AP3D1: variants seen among roughly 807,000 people sequenced by gnomAD.
AP3D1 encodes the protein adaptor related protein complex 3 subunit delta 1.
A neutral mutation model predicts 147.6 loss-of-function variants in AP3D1; 51 were observed. That is an observed-to-expected ratio of 0.35 (90% CI 0.28 to 0.44). AP3D1 has a LOEUF of 0.44. Among genes scored for constraint, AP3D1 ranks in the 20% least tolerant of loss-of-function variants. AP3D1 has a pLI of 1.00. For synonymous variants in AP3D1, 760 were observed against 663.0 expected, an observed-to-expected ratio of 1.15 and a Z score of -2.25; for missense variants, 1,421 against 1,624.2, an observed-to-expected ratio of 0.87 and a Z score of 2.15.
chr19:2,161,349 A>G (rs2019696848), intron 1 of AP3D1, among the ~76,000 whole-genome samples: 1 of 151,534 alleles, frequency 6.6e-6, no homozygotes, highest in South Asian at 2.1e-4. Flanking sequence ...TTTAGTAGAG[A>G]CGGGGTTTCA....
In AP3D1 at chr19:2,109,561, G is replaced by A. The variant is rs568944736; in HGVS notation, c.3350+312C>T. ...ACTCAGGGGGGAGGGGGTGCCGCAC[G>A]CCAAGCCGTGCCGAGGAGAGGCTTC... On this transcript the variant is annotated intron_variant, in intron 29 of 31. Transcript: ENST00000643116. 8.2e-5 allele frequency: 40 copies of A among 485,932 alleles called. No homozygotes were observed. The South Asian group carries it at 8.7e-4, about 11-fold the overall frequency. 30.1% of individuals were successfully genotyped at this position (485,932 alleles called of 1,614,324 possible).
intron 1 of AP3D1, among the ~76,000 whole-genome samples, chr19:2,145,620 C>T (rs567372099): frequency 2.0e-5 from 3 of 152,170 alleles, no homozygotes; most frequent in Non-Finnish European, 2.9e-5. Context: ...GCTGGCGTCG[C>T]CGCTCCTGCC....
Position 2,115,297 on chromosome 19 carries a change from G to A in AP3D1, c.2271C>T (p.His757=), listed in dbSNP as rs2018411860. ...CGTCGCTCTCCGTGGGCAGCGAGCT[G>A]TGGCGGCGCTTGCCCTTCTTCTCCT... ...KEKEKKGKRR[H]SSLPTESDED... Residue 757 remains histidine, a synonymous_variant, in exon 20 of 32, where the codon CAC becomes CAT. Transcript: ENST00000643116. 1 of 1,613,086 alleles carries A rather than the reference G, an allele frequency of 6.2e-7. No individual in the cohort carries two copies. The highest frequency in any genetic ancestry group is 1.7e-5 in the Admixed American group (1 of 60,028).
rs990158736 is a variant in AP3D1 at position 2,121,208 on chromosome 19, T to C, written c.1205A>G (p.Asp402Gly). The C allele has an allele frequency of 4.3e-6, 7 of 1,614,080 alleles. No individual in the cohort carries two copies. In the African/African-American group the frequency reaches 9.3e-5, roughly 22 times the overall value. ...CTGGTAGTTGGACTGGCTGCAGATG[T>C]CAATGATCTTGGTGAGCAGCTCGTC... ...YRDELLTKII[D>G]ICSQSNYQYI... is the part of the protein sequence containing the mutation. The change falls in exon 13 of 32, where the codon GAC becomes GGC. Residue 402 changes from aspartate (D) to glycine (G), a missense_variant. Physicochemically the swap from Asp to Gly is moderately conservative, Grantham distance 94 (BLOSUM62 -1). Around this residue, in one of 6 missense-constraint regions of AP3D1, gnomAD observed 310 missense variants for 388.1 expected, o/e 0.80. Coordinates refer to ENST00000643116, the MANE Select transcript of AP3D1 (RefSeq NM_001261826.3).
At position 2,109,769 on chromosome 19, in the gene AP3D1, T is replaced by C. The variant is rs561527984; in HGVS notation, c.3350+104A>G. On this transcript the variant is annotated intron_variant, in intron 29 of 31. Coordinates refer to ENST00000643116, the MANE Select transcript of AP3D1 (RefSeq NM_001261826.3). ...GAGCCAGCGCCTCCAAATCCGTCTC[T>C]AAAGTCCTGCCCAGAAGCCTCAGTC... is the stretch of plus-strand genomic sequence containing the variant. 3.5e-6 allele frequency: 4 copies of C among 1,145,672 alleles called. 1 individual carries two copies. The highest frequency in any genetic ancestry group is 5.3e-4 in the Middle Eastern group (2 of 3,756). The allele number at this position is 1,145,672 out of a possible 1,614,324, so 71.0% of individuals were successfully genotyped here. A position where few individuals can be genotyped will look rare whatever the true frequency, so the allele number is the denominator to read the frequency against.
intron 1 of AP3D1, among the ~76,000 whole-genome samples, chr19:2,160,635 T>C (rs1490459968): frequency 6.6e-6 from 1 of 152,038 alleles, no homozygotes; most frequent in African/African-American, 2.4e-5. Flanking sequence ...CAGGCATTGG[T>C]CCATTCATCC....
At chr19:2,142,596 G>C (rs979673073) in intron 1 of AP3D1, among the ~76,000 whole-genome samples, 1 of 152,210 alleles carries the variant, frequency 6.6e-6, no homozygotes, top group African/African-American at 2.4e-5. Context: ...AACGAGCTGA[G>C]CCCTTGGCAC....
intron 1 of AP3D1, among the ~76,000 whole-genome samples, chr19:2,150,805 C>T (rs904854294): frequency 6.6e-6 from 1 of 152,138 alleles, no homozygotes; most frequent in Middle Eastern, 3.2e-3. Flanking sequence ...ATCGGTGATT[C>T]GGAAACACAC....
At chr19:2,131,857 G>A (rs996688558) in intron 5 of AP3D1, among the ~76,000 whole-genome samples, 2 of 149,398 alleles carry the variant, frequency 1.3e-5, no homozygotes, top group East Asian at 2.0e-4. Flanking sequence ...AGCGCCCATC[G>A]GCCACGATCT....
At chr19:2,163,841 G>T (rs540220195) in intron 1 of AP3D1, among the ~76,000 whole-genome samples, 2 of 150,430 alleles carry the variant, frequency 1.3e-5, no homozygotes, top group African/African-American at 4.8e-5. Context: ...GGCGCGCGCG[G>T]GTCGGCCCGC....
intron 4 of AP3D1, chr19:2,133,391 A>G (rs2018998861): frequency 6.6e-6 from 1 of 152,182 alleles, no homozygotes; most frequent in African/African-American, 2.4e-5. Flanking sequence ...TCTTGATATC[A>G]CAAACCTGCT....
chr19:2,110,556 A>G (rs1233794607), intron 27 of AP3D1, 151 bp downstream of exon 27: 1 of 851,510 alleles, frequency 1.2e-6, no homozygotes, highest in Non-Finnish European at 1.8e-6. Flanking sequence ...AGCTGTGGCG[A>G]GACCCCGACA....
At chr19:2,134,415 T>TGG (rs2019025596) in intron 4 of AP3D1, among the ~76,000 whole-genome samples, 1 of 146,492 alleles carries the variant, frequency 6.8e-6, no homozygotes, top group Non-Finnish European at 1.5e-5. Context: ...AGCAAAACCC[T>TGG]GTCTCAAAAA....
chr19:2,110,302 G>T, intron 27 of AP3D1, 78 bp from the exon 28 acceptor site: 1 of 1,215,016 alleles, frequency 8.2e-7, no homozygotes, highest in Non-Finnish European at 1.2e-6. Context: ...TCTGTCCTCA[G>T]TCCCAAGTCC....
At chr19:2,162,178 A>T (rs1245554681) in intron 1 of AP3D1, among the ~76,000 whole-genome samples, 1 of 150,938 alleles carries the variant, frequency 6.6e-6, no homozygotes, top group African/African-American at 2.4e-5. Flanking sequence ...CTGGGACTAC[A>T]GGCACGAGTC....
At chr19:2,164,612 C>T (rs1019328885), upstream of AP3D1, 35 of 203,928 alleles carry the variant, frequency 1.7e-4, no homozygotes, top group South Asian at 1.9e-4. Context: ...CGCTCGTTCC[C>T]GGCGCTGTCA....
chr19:2,118,516 A>G (rs2018519515), intron 15 of AP3D1, 85 bp downstream of exon 15: 2 of 1,276,564 alleles, frequency 1.6e-6, no homozygotes, highest in Non-Finnish European at 2.2e-6. Flanking sequence ...AGAGGAAGCG[A>G]GGCCCCGTCG....
At chr19:2,110,931 G>A in intron 26 of AP3D1, 35 bp from the exon 27 acceptor site, 1 of 1,598,334 alleles carries the variant, frequency 6.3e-7, no homozygotes, top group Non-Finnish European at 8.5e-7. Flanking sequence ...AGGGCAGGCG[G>A]GCCCGCCACA....
chr19:2,133,488 T>C (rs1215760881), intron 4 of AP3D1: 2 of 151,948 alleles, frequency 1.3e-5, no homozygotes, highest in East Asian at 1.9e-4. Flanking sequence ...TAATATTCTG[T>C]GGTCAAAATA....
Sources: allele counts gnomAD v4.1 joint callset (sites outside exome capture counted in the v4.1 genomes callset), GRCh38; gene constraint gnomAD v4.1.1; regional missense constraint gnomAD v4.1.1; transcripts MANE v1.5; gene names NCBI Gene and HGNC (gene_info 2026-07-23, HGNC 2026-07-21).